The following FARSB variants were observed in gnomAD, a reference collection of about 807,000 sequenced individuals.
The protein encoded by FARSB is phenylalanine--tRNA ligase beta subunit.
In FARSB, 40 loss-of-function variants were observed where a neutral mutation model predicts 69.6. The ratio of observed to expected loss-of-function variants is 0.57; its 90% CI spans 0.45 to 0.75. The LOEUF (loss-of-function observed/expected upper bound fraction) is 0.75. Among genes scored for constraint, FARSB ranks in the 30% least tolerant of loss-of-function variants. FARSB has a pLI of 0.00. For missense variants in FARSB, 632 were observed against 722.9 expected (o/e 0.87, Z 1.44); for synonymous variants, 235 against 247.2 (o/e 0.95, Z 0.46).
chr2:222,600,006 G>A lies in FARSB; in HGVS notation c.1540C>T (p.Leu514=). Residue 514 remains leucine, a synonymous_variant, in exon 16 of 17, where the codon CTG becomes TTG. Transcript: ENST00000281828. ...AGCAACTGCATAATTCTGTCCAGCA[G>A]CCCATGAATGATCTCAAACCCAGGA... is the stretch of plus-strand genomic sequence containing the variant. ...KNPGFEIIHG[L]LDRIMQLLDV... 1 of 1,612,274 alleles carries A rather than the reference G, an allele frequency of 6.2e-7. No individual in the cohort carries two copies. The highest frequency in any genetic ancestry group is 2.2e-5 in the East Asian group (1 of 44,846).
At chr2:222,605,161 T>TCTCTCTCTCTCTCTC (rs1690667824) in intron 15 of FARSB, among the ~76,000 whole-genome samples, 9 of 132,672 alleles carry the variant, frequency 6.8e-5, no homozygotes, top group African/African-American at 1.8e-4. Context: ...AATACAAACT[T>TCTCTCTCTCTCTCTC]TCTCTCTCTC....
chr2:222,654,136 A>G (rs1692111098), intron 1 of FARSB, among the ~76,000 whole-genome samples: 1 of 152,174 alleles, frequency 6.6e-6, no homozygotes, highest in Non-Finnish European at 1.5e-5. Context: ...AGATGTTTTG[A>G]ACAAATATTT....
chr2:222,613,180 A>G (rs533603679), intron 15 of FARSB, among the ~76,000 whole-genome samples: 1 of 152,384 alleles, frequency 6.6e-6, no homozygotes, highest in South Asian at 2.1e-4. Context: ...GCTGGACCTT[A>G]AATTCTGATT....
chr2:222,605,932 A>G (rs894201543), intron 15 of FARSB, among the ~76,000 whole-genome samples: 5 of 152,178 alleles, frequency 3.3e-5, no homozygotes, highest in African/African-American at 1.2e-4. Context: ...CAAAACAAAA[A>G]CAAAAACAAA....
intron 15 of FARSB, 25 bp from the exon 16 acceptor site, chr2:222,600,108 C>G: frequency 6.3e-7 from 1 of 1,591,042 alleles, no homozygotes; most frequent in East Asian, 2.3e-5. Flanking sequence ...GAACTGGTCA[C>G]AACGCTGTAT....
intron 14 of FARSB, among the ~76,000 whole-genome samples, chr2:222,614,352 A>T (rs1275317865): frequency 6.6e-6 from 1 of 152,136 alleles, no homozygotes; most frequent in Non-Finnish European, 1.5e-5. Context: ...AATGCCTCAA[A>T]TGGCTCTAGT....
intron 16 of FARSB, 89 bp downstream of exon 16, chr2:222,599,839 C>A: frequency 3.8e-6 from 4 of 1,065,480 alleles, no homozygotes; most frequent in South Asian, 1.8e-5. Flanking sequence ...TTCTAAAATC[C>A]CAAATCAAAA....
At chr2:222,597,126 G>T (rs1405938094) in intron 16 of FARSB, among the ~76,000 whole-genome samples, 4 of 152,030 alleles carry the variant, frequency 2.6e-5, no homozygotes, top group African/African-American at 7.2e-5. Flanking sequence ...GGTGATAGGG[G>T]GTGAAAGTAA....
At chr2:222,623,762 G>A (rs544892979) in intron 12 of FARSB, 32 bp from the exon 13 acceptor site, 47 of 1,338,148 alleles carry the variant, frequency 3.5e-5, no homozygotes, top group Middle Eastern at 1.8e-4. Context: ...TGATTTCACC[G>A]CAATTATTTC....
chr2:222,593,759 T>A (rs1226447836), intron 16 of FARSB, among the ~76,000 whole-genome samples: 1 of 151,890 alleles, frequency 6.6e-6, no homozygotes, highest in Non-Finnish European at 1.5e-5. Flanking sequence ...TAGTCCCGGC[T>A]ACACTGATGG....
At chr2:222,589,344 C>T (rs1330589380) in intron 16 of FARSB, among the ~76,000 whole-genome samples, 1 of 152,110 alleles carries the variant, frequency 6.6e-6, no homozygotes, top group Non-Finnish European at 1.5e-5. Flanking sequence ...CTTCCTTACA[C>T]CTTATACAAA....
rs368222651 is a variant in FARSB at position 222,631,584 on chromosome 2, T to C, written c.786+20A>G. Reference sequence around the variant, plus strand: ...CTATCCCAGCTGATCATACAAAAATTGAGTAAAAGTTTTACTTACCTTAGT... The same window carrying C: ...CTATCCCAGCTGATCATACAAAAATCGAGTAAAAGTTTTACTTACCTTAGT... On this transcript the variant is annotated intron_variant, in intron 8 of 16. Transcript: ENST00000281828. The C allele has an allele frequency of 1.9e-5, 25 of 1,330,964 alleles. No individual in the cohort carries two copies. Among genetic ancestry groups the C allele is most frequent in the Non-Finnish European group, 2.5e-5 (23 of 924,318 alleles). The allele number at this position is 1,330,964 out of a possible 1,614,324, so 82.4% of individuals were successfully genotyped here.
chr2:222,593,216 A>G (rs915919540), intron 16 of FARSB, among the ~76,000 whole-genome samples: 2 of 152,166 alleles, frequency 1.3e-5, no homozygotes, highest in African/African-American at 4.8e-5. Context: ...GGGGTATGAA[A>G]AAAATCTTCC....
chr2:222,635,083 T>A (rs1342653357), intron 5 of FARSB, among the ~76,000 whole-genome samples: 1 of 152,178 alleles, frequency 6.6e-6, no homozygotes, highest in Non-Finnish European at 1.5e-5. Context: ...TAAGGAAAGT[T>A]CAAAAGGTAT....
At chr2:222,574,077 A>G (rs566535265) in intron 16 of FARSB, among the ~76,000 whole-genome samples, 5 of 152,348 alleles carry the variant, frequency 3.3e-5, no homozygotes, top group African/African-American at 1.2e-4. Context: ...CAGATGTGCT[A>G]GTTCTAACAA....
chr2:222,629,746 A>C (rs1025122025), intron 9 of FARSB, among the ~76,000 whole-genome samples: 1 of 152,048 alleles, frequency 6.6e-6, no homozygotes, highest in Non-Finnish European at 1.5e-5. Flanking sequence ...TTGTTTATTC[A>C]TTCATTTTTT....
chr2:222,655,969 G>A, intron 1 of FARSB, 47 bp downstream of exon 1: 1 of 1,457,644 alleles, frequency 6.9e-7, no homozygotes, highest in Non-Finnish European at 9.5e-7. Flanking sequence ...GGGAGGCCCT[G>A]CCTCCGAGAA....
chr2:222,619,170 G>A (rs1444178850), intron 14 of FARSB, among the ~76,000 whole-genome samples: 3 of 149,858 alleles, frequency 2.0e-5, no homozygotes, highest in South Asian at 4.2e-4. Flanking sequence ...GCCAAGCATC[G>A]TGGCATGCAC....
chr2:222,619,533 T>C, intron 14 of FARSB, 112 bp downstream of exon 14: 1 of 620,400 alleles, frequency 1.6e-6, no homozygotes, highest in Non-Finnish European at 2.9e-6. Context: ...AAGATATTAT[T>C]AAAAAGCTCT....
Sources: gnomAD v4.1 joint callset for allele counts (sites outside exome capture counted in the v4.1 genomes callset) on GRCh38, gnomAD v4.1.1 for gene constraint, MANE v1.5 for transcripts, NCBI Gene and HGNC (gene_info 2026-07-23, HGNC 2026-07-21) for gene names.